The following DAAM1 variants were observed in gnomAD, a reference collection of about 807,000 sequenced individuals.
DAAM1 encodes dishevelled associated activator of morphogenesis 1, also known as disheveled-associated activator of morphogenesis 1.
A neutral mutation model predicts 130.0 loss-of-function variants in DAAM1; 52 were observed. That is an observed-to-expected ratio of 0.40 (90% CI 0.32 to 0.50). The LOEUF is 0.50. Ranked by LOEUF, DAAM1 falls within the 20% of genes least tolerant of loss-of-function variation. The pLI is 0.61. For synonymous variants in DAAM1, 452 were observed against 444.5 expected (o/e 1.02, Z -0.21); for missense variants, 1,134 against 1,303.8 (o/e 0.87, Z 2.01).
At chr14:59,285,774 C>G (rs1196208438) in intron 2 of DAAM1, among the ~76,000 whole-genome samples, 1 of 152,070 alleles carries the variant, frequency 6.6e-6, no homozygotes, top group African/African-American at 2.4e-5. Flanking sequence ...ATTCATAAAA[C>G]AGGATTTTAG....
chr14:59,360,747 T>C, intron 21 of DAAM1, 55 bp from the exon 22 acceptor site: 1 of 1,467,322 alleles, frequency 6.8e-7, no homozygotes, highest in Non-Finnish European at 9.3e-7. Flanking sequence ...ACCCATCTTA[T>C]ATTTAATATG....
In DAAM1 at chr14:59,368,707, G is replaced by T; in HGVS notation, c.3055G>T (p.Glu1019Ter). ...KMRKAKENSE[E>*]SGEFDDLVSA... Reference sequence around the variant, plus strand: ...GAGAAAAGCTAAAGAGAATAGTGAAGAAAGCGGAGAGTTTGATGACCTTGT... The same window carrying T: ...GAGAAAAGCTAAAGAGAATAGTGAATAAAGCGGAGAGTTTGATGACCTTGT... Residue 1019 changes from glutamate (E) to a stop codon, truncating the protein, a stop_gained, in exon 25 of 25, where the codon GAA becomes TAA. Coordinates refer to ENST00000360909, the MANE Select transcript of DAAM1 (RefSeq NM_001270520.2). LOFTEE classifies it high-confidence loss of function. The T allele has an allele frequency of 6.2e-7, 1 of 1,613,906 alleles. No homozygotes were observed. The highest frequency in any genetic ancestry group is 8.5e-7 in the Non-Finnish European group (1 of 1,179,860).
At chr14:59,327,539 C>A (rs1885260921) in intron 12 of DAAM1, among the ~76,000 whole-genome samples, 2 of 151,360 alleles carry the variant, frequency 1.3e-5, no homozygotes, top group South Asian at 4.2e-4. Flanking sequence ...TCCCGAGTAG[C>A]TGGGACTACC....
chr14:59,202,781 T>A (rs1376018921), intron 1 of DAAM1, among the ~76,000 whole-genome samples: 2 of 152,228 alleles, frequency 1.3e-5, no homozygotes, highest in Non-Finnish European at 2.9e-5. Context: ...TTCAAAGGAA[T>A]GTTTACAACA....
intron 1 of DAAM1, among the ~76,000 whole-genome samples, chr14:59,262,053 T>A (rs1360723176): frequency 7.8e-6 from 1 of 128,034 alleles, no homozygotes; most frequent in African/African-American, 2.6e-5. Flanking sequence ...TCATCCCACC[T>A]TTTTTTTTTT....
At chr14:59,308,572 C>T (rs1884456460) in intron 3 of DAAM1, among the ~76,000 whole-genome samples, 1 of 152,100 alleles carries the variant, frequency 6.6e-6, no homozygotes, top group Admixed American at 6.6e-5. Flanking sequence ...TGGAAGCCTT[C>T]TCAAGAGCAG....
intron 5 of DAAM1, among the ~76,000 whole-genome samples, 159 bp downstream of exon 5, chr14:59,320,743 A>T (rs1488513557): frequency 1.3e-5 from 2 of 152,132 alleles, no homozygotes; most frequent in Admixed American, 6.6e-5. Flanking sequence ...CTTCTGTGAA[A>T]AGGTATGTAG....
intron 1 of DAAM1, among the ~76,000 whole-genome samples, chr14:59,194,640 C>A (rs907884106): frequency 6.6e-6 from 1 of 152,186 alleles, no homozygotes; most frequent in Non-Finnish European, 1.5e-5. Context: ...ATTGTGAAAG[C>A]TCTTTTGAAA....
intron 1 of DAAM1, among the ~76,000 whole-genome samples, chr14:59,261,305 G>A (rs941529315): frequency 6.6e-6 from 1 of 152,056 alleles, no homozygotes; most frequent in African/African-American, 2.4e-5. Flanking sequence ...ATAACTATCT[G>A]GTGAACTACT....
chr14:59,203,755 T>G (rs1888182436), intron 1 of DAAM1, among the ~76,000 whole-genome samples: 1 of 152,224 alleles, frequency 6.6e-6, no homozygotes, highest in Admixed American at 6.5e-5. Context: ...GATGACAAGC[T>G]AAGGTTTTGG....
In DAAM1 at chr14:59,331,503, C is replaced by A. The variant is rs763253274; in HGVS notation, c.1855C>A (p.Pro619Thr). 1.6e-5 allele frequency: 25 copies of A among 1,585,070 alleles called. No individual in the cohort carries two copies. The Admixed American group carries it at 4.5e-4, about 28-fold the overall frequency. Residue 619 changes from proline to threonine, a missense_variant, in exon 14 of 25, where the codon CCC becomes ACC. Around this residue, in one of 3 missense-constraint regions of DAAM1, gnomAD observed 644 missense variants for 695.9 expected, o/e 0.93. Transcript: ENST00000360909. ...GAAATCCTTCAACTGGTCTAAACTGCCCGAGGTGAGCCATTTGTTCCAGTT... is the reference window on the plus strand; with the variant it reads ...GAAATCCTTCAACTGGTCTAAACTGACCGAGGTGAGCCATTTGTTCCAGTT... Reference protein sequence around the residue: ...ALKSFNWSKLPENKLEGTVWT... With the variant: ...ALKSFNWSKLTENKLEGTVWT...
At chr14:59,241,784 A>G (rs1566663966) in intron 1 of DAAM1, among the ~76,000 whole-genome samples, 1 of 152,198 alleles carries the variant, frequency 6.6e-6, no homozygotes, top group Admixed American at 6.5e-5. Context: ...GGGATAAATC[A>G]TGTGACCTTC....
At chr14:59,303,351 A>G (rs1453398174) in intron 3 of DAAM1, among the ~76,000 whole-genome samples, 1 of 152,178 alleles carries the variant, frequency 6.6e-6, no homozygotes, top group African/African-American at 2.4e-5. Flanking sequence ...ATTCATAAGT[A>G]GCTATTCATT....
intron 3 of DAAM1, among the ~76,000 whole-genome samples, chr14:59,300,976 T>C (rs1021639176): frequency 2.6e-5 from 4 of 152,186 alleles, no homozygotes; most frequent in African/African-American, 9.7e-5. Context: ...GACATGTAGT[T>C]ATTGAGTTGT....
intron 8 of DAAM1, among the ~76,000 whole-genome samples, chr14:59,324,795 GATAATGA>G (rs1332324086): frequency 2.0e-5 from 3 of 152,176 alleles, no homozygotes; most frequent in Non-Finnish European, 1.5e-5. Context: ...TGGTGATGAT[GATAATGA>G]CAGTGATTTT....
intron 1 of DAAM1, among the ~76,000 whole-genome samples, chr14:59,229,489 G>A (rs1889039820): frequency 6.6e-6 from 1 of 152,222 alleles, no homozygotes; most frequent in Non-Finnish European, 1.5e-5. Context: ...GCTCTTCAGA[G>A]AAGGTGTAGG....
intron 1 of DAAM1, among the ~76,000 whole-genome samples, chr14:59,225,153 G>A (rs1407618530): frequency 2.7e-5 from 4 of 146,910 alleles, no homozygotes; most frequent in South Asian, 4.5e-4. Flanking sequence ...TCAGCCTCCC[G>A]AGTAGCTGGG....
intron 17 of DAAM1, among the ~76,000 whole-genome samples, chr14:59,350,229 T>C (rs1425341288): frequency 1.3e-5 from 2 of 152,086 alleles, no homozygotes; most frequent in African/African-American, 4.8e-5. Flanking sequence ...GGGATGTCTC[T>C]TCCCTTCGCT....
At position 59,366,087 on chromosome 14, in the gene DAAM1, C is replaced by A. The variant is rs60655720; in HGVS notation, c.2827-1342C>A. 8.1e-3 allele frequency among the ~76,000 whole-genome samples: 1,220 copies of A among 150,310 alleles called. 14 individuals carry two copies. Among genetic ancestry groups the A allele is most frequent in the African/African-American group, 0.03 (1,176 of 39,822 alleles). Reference sequence around the variant, plus strand: ...ATTTCTTGGTATTTTGCATTTTGGCCATTTAAAAAGATTGACACTGGGGCA... The same window carrying A: ...ATTTCTTGGTATTTTGCATTTTGGCAATTTAAAAAGATTGACACTGGGGCA... On this transcript the variant is annotated intron_variant, in intron 23 of 24. Transcript: ENST00000360909.
Sources: gnomAD v4.1 joint callset for allele counts (sites outside exome capture counted in the v4.1 genomes callset) on GRCh38, gnomAD v4.1.1 for gene constraint, gnomAD v4.1.1 regional missense constraint, MANE v1.5 for transcripts, NCBI Gene and HGNC (gene_info 2026-07-23, HGNC 2026-07-21) for gene names.